The following BCAS3 variants were observed in gnomAD, a reference collection of about 807,000 sequenced individuals.
The protein encoded by BCAS3 is BCAS3 microtubule associated cell migration factor.
BCAS3 carries 53 observed loss-of-function variants against 116.1 expected under a neutral mutation model. The ratio of observed to expected loss-of-function variants is 0.46; its 90% CI spans 0.37 to 0.57. BCAS3 has a LOEUF of 0.57. Ranked by LOEUF, BCAS3 falls within the 20% of genes least tolerant of loss-of-function variation. The pLI, the probability that BCAS3 is intolerant of heterozygous loss-of-function variation, is 0.00. For missense variants in BCAS3, 917 were observed against 1,165.4 expected (o/e 0.79, Z 3.10); for synonymous variants, 391 against 408.2 (o/e 0.96, Z 0.51).
intron 22 of BCAS3, among the ~76,000 whole-genome samples, chr17:61,294,582 G>A (rs541765488): frequency 6.6e-6 from 1 of 152,276 alleles, no homozygotes; most frequent in East Asian, 1.9e-4. Context: ...TGGGCAAACT[G>A]GCCTTGAAAG....
intron 12 of BCAS3, among the ~76,000 whole-genome samples, chr17:60,912,866 A>G (rs1411237550): frequency 6.6e-6 from 1 of 152,092 alleles, no homozygotes; most frequent in Non-Finnish European, 1.5e-5. Flanking sequence ...TCTGTTAAAG[A>G]TCTAGCATTT....
intron 7 of BCAS3, among the ~76,000 whole-genome samples, chr17:60,840,781 T>C (rs1416216857): frequency 1.3e-5 from 2 of 152,222 alleles, no homozygotes; most frequent in Non-Finnish European, 2.9e-5. Flanking sequence ...GATGTGGTTA[T>C]GTACATTTGG....
rs1289576463 is a variant in BCAS3 at position 61,366,867 on chromosome 17, T to C, written c.2426-1460T>C. Among the ~76,000 whole-genome samples, 1 of 152,166 alleles carries C rather than the reference T, an allele frequency of 6.6e-6. No individual in the cohort carries two copies. Among genetic ancestry groups the C allele is most frequent in the Non-Finnish European group, 1.5e-5 (1 of 68,024 alleles). On this transcript the variant is annotated intron_variant, in intron 22 of 23. Coordinates refer to ENST00000407086, the MANE Select transcript of BCAS3 (RefSeq NM_017679.5). This position sits in a 1 kb window ranked among gnomAD's most constrained non-coding sequence, Gnocchi z 4.5. ...CCAGTAGTGACCCTTGCCACACATA[T>C]AAATCGCAGCAGGCTGGCCAAGGGC...
At chr17:61,190,526 C>CAA (rs71148387) in intron 22 of BCAS3, among the ~76,000 whole-genome samples, 1,302 of 43,192 alleles carry the variant, frequency 0.03, 105 homozygotes, top group African/African-American at 0.056. Context: ...GACTCCATCT[C>CAA]AAAAAAAAAA....
chr17:61,330,755 G>T (rs2056203915), intron 22 of BCAS3, among the ~76,000 whole-genome samples: 1 of 152,222 alleles, frequency 6.6e-6, no homozygotes, highest in East Asian at 1.9e-4. Flanking sequence ...CAGGGAATGA[G>T]GAGACCCGAG....
At chr17:61,150,292 G>A (rs1364245189) in intron 22 of BCAS3, among the ~76,000 whole-genome samples, 1 of 152,212 alleles carries the variant, frequency 6.6e-6, no homozygotes, top group African/African-American at 2.4e-5. Flanking sequence ...TGGCTGCTCT[G>A]ATTTATGAAA....
rs1046969343 is a variant in BCAS3 at position 61,337,499 on chromosome 17, T to C, written c.2426-30828T>C. 2.6e-5 allele frequency among the ~76,000 whole-genome samples: 4 copies of C among 152,290 alleles called. No homozygotes were observed. Among genetic ancestry groups the C allele is most frequent in the African/African-American group, 9.6e-5 (4 of 41,568 alleles). ...CACAGCCCTCGGCCCCAGGTCTTCCTCTTGGAGCAACAAAATGCTCCCAGG... is the reference window on the plus strand; with the variant it reads ...CACAGCCCTCGGCCCCAGGTCTTCCCCTTGGAGCAACAAAATGCTCCCAGG... On this transcript the variant is annotated intron_variant, in intron 22 of 23. Transcript: ENST00000407086. The surrounding 1 kb of genome is among the most constrained non-coding windows in gnomAD (Gnocchi z 4.8).
chr17:61,372,355 G>A (rs1421656619), intron 23 of BCAS3, among the ~76,000 whole-genome samples: 5 of 152,118 alleles, frequency 3.3e-5, no homozygotes, highest in African/African-American at 1.2e-4. Flanking sequence ...ATTTCTCAAG[G>A]CCTTGTCTTG....
Position 60,962,019 on chromosome 17 carries a change from AT to A in BCAS3, c.1221+14669del, listed in dbSNP as rs2145310278. Among the ~76,000 whole-genome samples the A allele has an allele frequency of 6.6e-6, 1 of 152,198 alleles. No individual in the cohort carries two copies. The highest frequency in any genetic ancestry group is 6.5e-5 in the Admixed American group (1 of 15,290). On this transcript the variant is annotated intron_variant, in intron 14 of 23. Coordinates refer to ENST00000407086, the MANE Select transcript of BCAS3 (RefSeq NM_017679.5). The surrounding 1 kb of genome is among the most constrained non-coding windows in gnomAD (Gnocchi z 4.4). Reference sequence around the variant, plus strand: ...ATGTTGCTGCAAATGACAGGATTTCATTCTTTTTTTTAAAGCTGAATATTTC... The same window carrying A: ...ATGTTGCTGCAAATGACAGGATTTCATCTTTTTTTTAAAGCTGAATATTTC...
intron 7 of BCAS3, among the ~76,000 whole-genome samples, chr17:60,820,954 CT>C (rs964976549): frequency 5.9e-5 from 9 of 151,724 alleles, no homozygotes; most frequent in African/African-American, 1.7e-4. Context: ...ATAAAACTAA[CT>C]TTTTTTTTGA....
intron 22 of BCAS3, among the ~76,000 whole-genome samples, chr17:61,190,076 C>T (rs1411975913): frequency 6.6e-6 from 1 of 152,172 alleles, no homozygotes; most frequent in African/African-American, 2.4e-5. Context: ...CTTCAATCAG[C>T]AGTGTCATTC....
At chr17:61,117,018 G>A (rs1205767270) in intron 22 of BCAS3, among the ~76,000 whole-genome samples, 1 of 152,050 alleles carries the variant, frequency 6.6e-6, no homozygotes, top group African/African-American at 2.4e-5. Context: ...CTTCTTTAAT[G>A]TGTCAATTTA....
At chr17:61,284,647 T>G (rs927410272) in intron 22 of BCAS3, among the ~76,000 whole-genome samples, 1 of 137,094 alleles carries the variant, frequency 7.3e-6, no homozygotes, top group Non-Finnish European at 1.5e-5. Context: ...ACAACTGCGT[T>G]TTTTTTTTTC....
chr17:60,678,697 C>T (rs139075054), intron 1 of BCAS3, among the ~76,000 whole-genome samples: 1 of 152,300 alleles, frequency 6.6e-6, no homozygotes, highest in East Asian at 1.9e-4. Context: ...GTGATTTACT[C>T]ATAGATTCCC....
intron 22 of BCAS3, among the ~76,000 whole-genome samples, chr17:61,269,907 G>A (rs893711362): frequency 6.6e-6 from 1 of 150,996 alleles, no homozygotes; most frequent in East Asian, 1.9e-4. Flanking sequence ...GGGTTCAAAC[G>A]ATTCTTGTGC....
At chr17:61,345,953 T>C (rs1371135781) in intron 22 of BCAS3, among the ~76,000 whole-genome samples, 2 of 152,142 alleles carry the variant, frequency 1.3e-5, no homozygotes, top group Non-Finnish European at 2.9e-5. Context: ...TTGTAGACGA[T>C]GAGTGAGTTG....
chr17:60,846,833 A>G (rs1157036842), intron 7 of BCAS3, among the ~76,000 whole-genome samples: 8 of 151,842 alleles, frequency 5.3e-5, no homozygotes, highest in African/African-American at 1.5e-4. Context: ...GTGACTTTAC[A>G]TAATATAAAA....
chr17:61,045,315 C>T (rs1385197349), intron 19 of BCAS3, among the ~76,000 whole-genome samples: 2 of 151,380 alleles, frequency 1.3e-5, no homozygotes, highest in African/African-American at 4.8e-5. Context: ...TCAAGACCAT[C>T]CTGGGCAACA....
chr17:60,939,721 T>C (rs2060125212), intron 13 of BCAS3, among the ~76,000 whole-genome samples: 2 of 152,234 alleles, frequency 1.3e-5, no homozygotes, highest in Non-Finnish European at 2.9e-5. Context: ...ATGCTCTTTC[T>C]CTTGACTATG....
Sources: gnomAD v4.1 joint callset for allele counts (sites outside exome capture counted in the v4.1 genomes callset) on GRCh38, gnomAD v4.1.1 for gene constraint, Gnocchi (gnomAD v3.1) non-coding constraint, MANE v1.5 for transcripts, NCBI Gene and HGNC (gene_info 2026-07-23, HGNC 2026-07-21) for gene names.